Variants in OVOL1 observed in about 807,000 individuals in gnomAD.
The protein encoded by OVOL1 is ovo like transcriptional repressor 1, also known as putative transcription factor Ovo-like 1.
OVOL1 carries 10 observed loss-of-function variants against 21.5 expected under a neutral mutation model. That is an observed-to-expected ratio of 0.46 (90% CI 0.29 to 0.79). The LOEUF is 0.79. Ranked by LOEUF, OVOL1 falls within the 30% of genes least tolerant of loss-of-function variation. The pLI is 0.10. For synonymous variants in OVOL1, 129 were observed against 150.3 expected (o/e 0.86, Z 1.03); for missense variants, 279 against 362.3 (o/e 0.77, Z 1.87).
intron 1 of OVOL1, chr11:65,793,767 A>C (rs896967077): frequency 1.1e-5 from 6 of 544,880 alleles, no homozygotes; most frequent in African/African-American, 9.5e-5. Context: ...GATAATTGGC[A>C]GGGCAGTTCG....
Position 65,795,604 on chromosome 11 carries a change from G to C in OVOL1, c.*263G>C, listed in dbSNP as rs929076629. Reference sequence around the variant, plus strand: ...GTACCTATGTCAAGAGAAGGGATGAGGCCAAGGCTGCCTTCAATTAGAAGC... The same window carrying C: ...GTACCTATGTCAAGAGAAGGGATGACGCCAAGGCTGCCTTCAATTAGAAGC... On this transcript the variant is annotated 3_prime_UTR_variant, in exon 4 of 4. Coordinates refer to ENST00000335987, the MANE Select transcript of OVOL1 (RefSeq NM_004561.4). This position sits in a 1 kb window ranked among gnomAD's most constrained non-coding sequence, Gnocchi z 5.7. 6 of 557,022 alleles carry C rather than the reference G, an allele frequency of 1.1e-5. No individual in the cohort carries two copies. Among genetic ancestry groups the C allele is most frequent in the African/African-American group, 1.9e-5 (1 of 53,358 alleles). The allele number at this position is 557,022 out of a possible 1,614,324, so 34.5% of individuals were successfully genotyped here.
intron 1 of OVOL1, chr11:65,789,082 G>A (rs780989478): frequency 4.0e-5 from 39 of 985,108 alleles, no homozygotes; most frequent in Non-Finnish European, 4.5e-5. Context: ...GCCAGGCTCA[G>A]TGTGCTGTTA....
intron 2 of OVOL1, 79 bp from the exon 3 acceptor site, chr11:65,794,459 G>A: frequency 1.4e-6 from 2 of 1,389,626 alleles, no homozygotes; most frequent in Non-Finnish European, 1.0e-6. Flanking sequence ...ACTGGGGGCT[G>A]GCATCCACGT....
intron 1 of OVOL1, chr11:65,788,493 T>G (rs1857948215): frequency 2.0e-6 from 2 of 984,648 alleles, no homozygotes; most frequent in African/African-American, 1.7e-5. Flanking sequence ...GGAGGAGTAA[T>G]TAACCAACTG....
At position 65,795,771 on chromosome 11, in the gene OVOL1, C is replaced by A. The variant is rs560305965; in HGVS notation, c.*430C>A. On this transcript the variant is annotated 3_prime_UTR_variant, in exon 4 of 4. Transcript: ENST00000335987. The surrounding 1 kb of genome is among the most constrained non-coding windows in gnomAD (Gnocchi z 5.7). ...CCAGTGGACATCAGAGTCAAAAGCA[C>A]TGGCAAAGGGTACCCCTGCAAACAA... 1 of 208,422 alleles carries A rather than the reference C, an allele frequency of 4.8e-6. No homozygotes were observed. The allele number at this position is 208,422 out of a possible 1,614,324, so 12.9% of individuals were successfully genotyped here.
At chr11:65,788,976 C>T (rs572387049) in intron 1 of OVOL1, 14 of 985,630 alleles carry the variant, frequency 1.4e-5, no homozygotes, top group Non-Finnish European at 1.7e-5. Context: ...CCGCCCTCCG[C>T]CCTCCACCCT....
Position 65,788,452 on chromosome 11 carries a change from A to G in OVOL1, c.100+979A>G, listed in dbSNP as rs1018121738. 2.8e-5 allele frequency: 28 copies of G among 984,316 alleles called. No individual in the cohort carries two copies. The African/African-American group carries it at 4.7e-4, about 17-fold the overall frequency. 61.0% of individuals were successfully genotyped at this position (984,316 alleles called of 1,614,324 possible). On this transcript the variant is annotated intron_variant, in intron 1 of 3. Coordinates refer to ENST00000335987, the MANE Select transcript of OVOL1 (RefSeq NM_004561.4). ...TGGGGGCGGGGCGTGGACGCTCTGA[A>G]CGCCCAGCCCAGCCCCTCCGAGGGG... is the stretch of plus-strand genomic sequence containing the variant.
In OVOL1 at chr11:65,787,393, T is replaced by C. The variant is rs1203349523; in HGVS notation, c.20T>C (p.Val7Ala). 6.3e-7 allele frequency: 1 copy of C among 1,591,698 alleles called. No homozygotes were observed. The highest frequency in any genetic ancestry group is 1.3e-5 in the African/African-American group (1 of 74,114). The change falls in exon 1 of 4, where the codon GTG (valine) becomes GCG (alanine). Residue 7 changes from valine (V) to alanine (A), a missense_variant. Val to Ala is a moderately conservative substitution (Grantham distance 64). Coordinates refer to ENST00000335987, the MANE Select transcript of OVOL1 (RefSeq NM_004561.4). MPRAFL[V>A]KKPCVSTCKR... is the part of the protein sequence containing the mutation. Reference sequence around the variant, plus strand: ...TCGAAAATGCCCCGCGCGTTCCTGGTGAAGAAGCCGTGCGTCTCCACGTGC... The same window carrying C: ...TCGAAAATGCCCCGCGCGTTCCTGGCGAAGAAGCCGTGCGTCTCCACGTGC...
Position 65,793,264 on chromosome 11 carries a change from G to A in OVOL1, c.101-767G>A, listed in dbSNP as rs1426392402. On this transcript the variant is annotated intron_variant, in intron 1 of 3. Coordinates refer to ENST00000335987, the MANE Select transcript of OVOL1 (RefSeq NM_004561.4). Reference sequence around the variant, plus strand: ...CGGTGTGAGGTGTCTGCCTCGGGGCGTGGCTGCATCCAAGGGCTGCCAGGT... The same window carrying A: ...CGGTGTGAGGTGTCTGCCTCGGGGCATGGCTGCATCCAAGGGCTGCCAGGT... Among the ~76,000 whole-genome samples the A allele has an allele frequency of 5.9e-5, 9 of 152,212 alleles. No individual in the cohort carries two copies. The East Asian group carries it at 1.5e-3, about 26-fold the overall frequency.
intron 3 of OVOL1, 85 bp downstream of exon 3, chr11:65,794,812 C>T: frequency 2.2e-6 from 3 of 1,388,026 alleles, no homozygotes; most frequent in East Asian, 2.3e-5. Context: ...CCCCTGCTCT[C>T]CCTCGGTGAC....
At position 65,795,071 on chromosome 11, in the gene OVOL1, G is replaced by A; in HGVS notation, c.534G>A (p.Leu178=). The A allele has an allele frequency of 1.2e-6, 2 of 1,613,258 alleles. No homozygotes were observed. The highest frequency in any genetic ancestry group is 1.7e-6 in the Non-Finnish European group (2 of 1,179,982). ...GCGTGCGGCCCTACAAGTGCAGCCT[G>A]TGTGACAAGGCCTTCACGCAGCGCT... ...HTGVRPYKCS[L]CDKAFTQRCS... The change falls in exon 4 of 4, where the codon CTG becomes CTA. Residue 178 remains leucine (L), a synonymous_variant. Transcript: ENST00000335987. The surrounding 1 kb of genome is among the most constrained non-coding windows in gnomAD (Gnocchi z 5.7).
intron 1 of OVOL1, chr11:65,789,070 G>A: frequency 1.0e-6 from 1 of 985,488 alleles, no homozygotes; most frequent in Non-Finnish European, 1.2e-6. Context: ...GCTGAGCCCT[G>A]AGCCAGGCTC....
chr11:65,787,838 G>T (rs1391553104), intron 1 of OVOL1, among the ~76,000 whole-genome samples: 1 of 152,192 alleles, frequency 6.6e-6, no homozygotes, highest in Non-Finnish European at 1.5e-5. Context: ...AGAAAACCGG[G>T]ACTCGCATGA....
intron 1 of OVOL1, chr11:65,788,719 G>C (rs919520179): frequency 1.0e-6 from 1 of 985,322 alleles, no homozygotes; most frequent in Non-Finnish European, 1.2e-6. Flanking sequence ...AGCTTAACCT[G>C]ATCTCAAGGG....
At position 65,795,553 on chromosome 11, in the gene OVOL1, C is replaced by T. The variant is rs915825128; in HGVS notation, c.*212C>T. 2 of 597,772 alleles carry T rather than the reference C, an allele frequency of 3.3e-6. No individual in the cohort carries two copies. The highest frequency in any genetic ancestry group is 6.0e-6 in the Non-Finnish European group (2 of 335,442). The allele number at this position is 597,772 out of a possible 1,614,324, so 37.0% of individuals were successfully genotyped here. ...ATTTTTGCATTTTTGACTTATGGGC[C>T]GAGGCTGTTCTGAGCCTGGGAAGAT... On this transcript the variant is annotated 3_prime_UTR_variant, in exon 4 of 4. Coordinates refer to ENST00000335987, the MANE Select transcript of OVOL1 (RefSeq NM_004561.4). The surrounding 1 kb of genome is among the most constrained non-coding windows in gnomAD (Gnocchi z 5.7).
Position 65,794,127 on chromosome 11 carries a change from G to C in OVOL1, c.197G>C (p.Arg66Pro). 1 of 1,613,914 alleles carries C rather than the reference G, an allele frequency of 6.2e-7. No individual in the cohort carries two copies. Among genetic ancestry groups the C allele is most frequent in the Non-Finnish European group, 8.5e-7 (1 of 1,180,024 alleles). Reference sequence around the variant, plus strand: ...CCGCTGGCTTTGAACATGAGCCTTCGAGACTCTAGCTACAGCATGGCCCCC... The same window carrying C: ...CCGCTGGCTTTGAACATGAGCCTTCCAGACTCTAGCTACAGCATGGCCCCC... ...SCPLALNMSLRDSSYSMAPGP... is the reference protein window; with the variant it reads ...SCPLALNMSLPDSSYSMAPGP... The change falls in exon 2 of 4, where the codon CGA becomes CCA. Residue 66 changes from arginine (R) to proline (P), a missense_variant. Coordinates refer to ENST00000335987, the MANE Select transcript of OVOL1 (RefSeq NM_004561.4).
intron 1 of OVOL1, among the ~76,000 whole-genome samples, chr11:65,791,167 A>G (rs1858009169): frequency 6.6e-6 from 1 of 152,250 alleles, no homozygotes; most frequent in South Asian, 2.1e-4. Context: ...CACAGCGTGG[A>G]AACAGAAGGC....
At position 65,787,473 on chromosome 11, in the gene OVOL1, G is replaced by T. The variant is rs1857927345; in HGVS notation, c.100G>T (p.Val34Phe). 2 of 1,553,564 alleles carry T rather than the reference G, an allele frequency of 1.3e-6. No homozygotes were observed. Among genetic ancestry groups the T allele is most frequent in the Admixed American group, 1.8e-5 (1 of 54,608 alleles). Residue 34 changes from valine (V) to phenylalanine (F), a missense_variant and splice_region_variant, in exon 1 of 4, where the codon GTC (valine) becomes TTC (phenylalanine). Transcript: ENST00000335987. ...GGAGCGCGGCGAGATCTACGTGCCA[G>T]GTGAGGCTCCAACCGCCCTCCGGCC... ...DEERGEIYVP[V>F]SLGFCPPQPY...
At position 65,793,720 on chromosome 11, in the gene OVOL1, G is replaced by C. The variant is rs1003651829; in HGVS notation, c.101-311G>C. 25 of 452,672 alleles carry C rather than the reference G, an allele frequency of 5.5e-5. No homozygotes were observed. The Admixed American group carries it at 8.1e-4, about 15-fold the overall frequency. 28.0% of individuals were successfully genotyped at this position (452,672 alleles called of 1,614,324 possible). The stretch of plus-strand genomic sequence containing the variant: ...GTGGATGAGGCCTGGAATTCAGAGG[G>C]ACCAGCCCAGGTGGGGCAGGCAGAA... On this transcript the variant is annotated intron_variant, in intron 1 of 3. Transcript: ENST00000335987.
Sources: gnomAD v4.1 joint callset for allele counts (sites outside exome capture counted in the v4.1 genomes callset) on GRCh38, gnomAD v4.1.1 for gene constraint, Gnocchi (gnomAD v3.1) non-coding constraint, MANE v1.5 for transcripts, NCBI Gene and HGNC (gene_info 2026-07-23, HGNC 2026-07-21) for gene names.